PCDH15: variants seen among roughly 807,000 people sequenced by gnomAD.
PCDH15 encodes the protein protocadherin related 15, also known as protocadherin-15.
Under a neutral mutation model 178.5 loss-of-function variants are expected in PCDH15, and 129 were observed. That is an observed-to-expected ratio of 0.72 (90% CI 0.63 to 0.84). The LOEUF (loss-of-function observed/expected upper bound fraction) is 0.84, where lower values mean the gene tolerates loss of function less well. Ranked by LOEUF, PCDH15 falls within the 40% of genes least tolerant of loss-of-function variation. The pLI is 0.00. For synonymous variants in PCDH15, 800 were observed against 732.0 expected, an observed-to-expected ratio of 1.09 and a Z score of -1.50; for missense variants, 2,230 against 2,099.9, an observed-to-expected ratio of 1.06 and a Z score of -1.21.
intron 6 of PCDH15, among the ~76,000 whole-genome samples, chr10:54,342,789 T>A (rs1327960580): frequency 1.3e-5 from 2 of 152,152 alleles, no homozygotes; most frequent in African/African-American, 4.8e-5. Flanking sequence ...CCCTTTGCAT[T>A]AATGTGCCCT....
In PCDH15 at chr10:55,044,292, T is replaced by G. The variant is rs888906078; in HGVS notation, c.-80+122284A>C. Among the ~76,000 whole-genome samples, 7 of 152,248 alleles carry G rather than the reference T, an allele frequency of 4.6e-5. No individual in the cohort carries two copies. The East Asian group carries it at 1.4e-3, about 29-fold the overall frequency. ...CCAGTTTTTAAGTTTACAAATCTAT[T>G]CTGTGTATGCAGTTATGTCACAAAA... On this transcript the variant is annotated intron_variant, in intron 2 of 5. Coordinates refer to the PCDH15 transcript ENST00000458638.
At chr10:54,314,760 T>A (rs1467324998) in intron 8 of PCDH15, among the ~76,000 whole-genome samples, 1 of 152,086 alleles carries the variant, frequency 6.6e-6, no homozygotes, top group East Asian at 1.9e-4. Flanking sequence ...ATCATTTACC[T>A]CCCACTTATA....
intron 26 of PCDH15, among the ~76,000 whole-genome samples, chr10:53,900,045 G>A (rs772679751): frequency 2.6e-5 from 4 of 152,082 alleles, no homozygotes; most frequent in Admixed American, 6.5e-5. Flanking sequence ...CCACCCTTCA[G>A]TGCTAGTCTT....
chr10:55,387,715 T>C (rs1252754563), intron 2 of PCDH15, among the ~76,000 whole-genome samples: 2 of 152,092 alleles, frequency 1.3e-5, no homozygotes, highest in Non-Finnish European at 1.5e-5. Flanking sequence ...AAAACCAAAA[T>C]GTTTTTCATT....
chr10:53,840,250 C>T (rs1315323455), intron 29 of PCDH15, 70 bp downstream of exon 29: 1 of 1,528,262 alleles, frequency 6.5e-7, no homozygotes, highest in Admixed American at 1.7e-5. Context: ...GTACTTATAG[C>T]CTCAAGTCAG....
rs191941721 is a variant in PCDH15 at position 55,082,207 on chromosome 10, T to A, written c.-80+84369A>T. ...AACAGGTCTTTAAAAATTCAAAAAA[T>A]TATATCAAGTATCTTCTCTGACAAC... is the stretch of plus-strand genomic sequence containing the variant. On this transcript the variant is annotated intron_variant, in intron 2 of 5. Transcript: ENST00000458638. 3.3e-5 allele frequency among the ~76,000 whole-genome samples: 5 copies of A among 152,040 alleles called. No individual in the cohort carries two copies. In the East Asian group the frequency reaches 5.8e-4, roughly 18 times the overall value.
chr10:54,931,795 T>C (rs866583788), intron 2 of PCDH15, among the ~76,000 whole-genome samples: 12 of 152,184 alleles, frequency 7.9e-5, no homozygotes, highest in Admixed American at 2.6e-4. Context: ...GTCTAGTGTT[T>C]TGTAGTTTCA....
intron 26 of PCDH15, among the ~76,000 whole-genome samples, chr10:53,899,603 G>T (rs1018700733): frequency 7.2e-5 from 11 of 152,068 alleles, no homozygotes; most frequent in Admixed American, 7.2e-4. Context: ...TAACTTGTAT[G>T]CATGGTAGAT....
At chr10:54,656,092 T>A (rs551627599) in intron 2 of PCDH15, 31 of 152,320 alleles carry the variant, frequency 2.0e-4, no homozygotes, top group African/African-American at 7.5e-4. Context: ...ATTTAACTTC[T>A]CAGAATAAAC....
At position 55,041,317 on chromosome 10, in the gene PCDH15, C is replaced by T. The variant is rs184937150; in HGVS notation, c.-80+125259G>A. On this transcript the variant is annotated intron_variant, in intron 2 of 5. Transcript: ENST00000458638. ...AGAGCAGTGAGAAAAGTTGTAGTGA[C>T]AAAAACAATGCATCTACATCCTTTA... Among the ~76,000 whole-genome samples, 9 of 152,142 alleles carry T rather than the reference C, an allele frequency of 5.9e-5. No individual in the cohort carries two copies. The East Asian group carries it at 1.7e-3, about 29-fold the overall frequency.
At chr10:54,961,184 C>A (rs547624546) in intron 2 of PCDH15, among the ~76,000 whole-genome samples, 2 of 152,302 alleles carry the variant, frequency 1.3e-5, no homozygotes, top group South Asian at 2.1e-4. Context: ...CAGTGTGGAG[C>A]AAATTTGTGG....
At chr10:55,543,312 C>A (rs182437006) in intron 2 of PCDH15, among the ~76,000 whole-genome samples, 521 of 132,060 alleles carry the variant, frequency 3.9e-3, no homozygotes, top group Non-Finnish European at 5.7e-3. Flanking sequence ...ATCAAAGAAG[C>A]TACAAATGTT....
At chr10:54,673,965 C>T (rs2094730300) in intron 1 of PCDH15, among the ~76,000 whole-genome samples, 1 of 152,016 alleles carries the variant, frequency 6.6e-6, no homozygotes, top group African/African-American at 2.4e-5. Flanking sequence ...ATGAATAAAA[C>T]TAGGTTTATC....
At chr10:54,449,141 G>A (rs2136265716) in intron 3 of PCDH15, among the ~76,000 whole-genome samples, 1 of 151,550 alleles carries the variant, frequency 6.6e-6, no homozygotes, top group Non-Finnish European at 1.5e-5. Flanking sequence ...GACTCACTTG[G>A]GCCCAACCCT....
intron 2 of PCDH15, among the ~76,000 whole-genome samples, chr10:55,155,317 T>C (rs1185887261): frequency 1.3e-5 from 2 of 152,060 alleles, no homozygotes; most frequent in African/African-American, 4.8e-5. Context: ...ATTATTTATA[T>C]GTTCTCTGTT....
At chr10:54,681,609 T>G (rs1028517597) in intron 1 of PCDH15, among the ~76,000 whole-genome samples, 1 of 152,110 alleles carries the variant, frequency 6.6e-6, no homozygotes, top group African/African-American at 2.4e-5. Flanking sequence ...CTGATGCCCT[T>G]GAGAAGAGTG....
intron 2 of PCDH15, among the ~76,000 whole-genome samples, chr10:55,465,401 G>T (rs991908003): frequency 6.6e-6 from 1 of 152,146 alleles, no homozygotes; most frequent in African/African-American, 2.4e-5. Context: ...TTGTACTGGA[G>T]ATTAGCCAGA....
chr10:53,964,248 G>C (rs753751331), intron 21 of PCDH15, among the ~76,000 whole-genome samples: 13 of 151,772 alleles, frequency 8.6e-5, no homozygotes, highest in African/African-American at 2.4e-4. Flanking sequence ...CTTGTTTACT[G>C]TTTGTCTCCC....
At chr10:54,980,578 ACT>A (rs1034150322) in intron 2 of PCDH15, among the ~76,000 whole-genome samples, 2 of 151,946 alleles carry the variant, frequency 1.3e-5, no homozygotes, top group Non-Finnish European at 2.9e-5. Context: ...TAGATTTTTA[ACT>A]CTCATTTTGA....
Sources: allele counts gnomAD v4.1 joint callset (sites outside exome capture counted in the v4.1 genomes callset), GRCh38; gene constraint gnomAD v4.1.1; transcripts MANE v1.5; gene names NCBI Gene and HGNC (gene_info 2026-07-23, HGNC 2026-07-21).